SERGEF: variants seen among roughly 807,000 people sequenced by gnomAD.
SERGEF encodes the protein secretion regulating guanine nucleotide exchange factor, also known as secretion-regulating guanine nucleotide exchange factor.
In SERGEF, 51 loss-of-function variants were observed where a neutral mutation model predicts 50.0. The observed-to-expected ratio is 1.02, with a 90% CI of 0.81 to 1.29. SERGEF has a LOEUF of 1.29. Among genes scored for constraint, SERGEF ranks in the 50% most tolerant of loss-of-function variants. The pLI is 0.00. For synonymous variants in SERGEF, 205 were observed against 212.4 expected, an observed-to-expected ratio of 0.97 and a Z score of 0.30; for missense variants, 521 against 557.0, an observed-to-expected ratio of 0.94 and a Z score of 0.65.
chr11:17,888,864 T>C lies in SERGEF; in HGVS notation c.1012-10620A>G, dbSNP rs563156578. Among the ~76,000 whole-genome samples the C allele has an allele frequency of 3.3e-5, 5 of 152,302 alleles. No individual in the cohort carries two copies. The highest frequency in any genetic ancestry group is 3.9e-4 in the East Asian group (2 of 5,194). On this transcript the variant is annotated intron_variant, in intron 9 of 10. Transcript: ENST00000265965. The surrounding 1 kb of genome is among the most constrained non-coding windows in gnomAD (Gnocchi z 4.1). Reference sequence around the variant, plus strand: ...ACAGTTTGAGCCTGGAACATGTATTTGTACCACGAAGTAAGAAAGTGATAA... The same window carrying C: ...ACAGTTTGAGCCTGGAACATGTATTCGTACCACGAAGTAAGAAAGTGATAA...
chr11:17,866,350 A>G (rs556251729), intron 10 of SERGEF, among the ~76,000 whole-genome samples: 1 of 152,370 alleles, frequency 6.6e-6, no homozygotes, highest in African/African-American at 2.4e-5. Context: ...TGCCTACAGT[A>G]TTCAGTACAG....
chr11:17,891,273 A>G (rs1176188336), intron 9 of SERGEF, among the ~76,000 whole-genome samples: 1 of 152,222 alleles, frequency 6.6e-6, no homozygotes, highest in African/African-American at 2.4e-5. Flanking sequence ...AATTGGCAAG[A>G]CCTGACTAAA....
At chr11:17,934,190 T>G (rs1852406556) in intron 9 of SERGEF, among the ~76,000 whole-genome samples, 1 of 152,092 alleles carries the variant, frequency 6.6e-6, no homozygotes, top group African/African-American at 2.4e-5. Context: ...GTCAAATGGG[T>G]CTAGGGACAA....
chr11:18,012,698 C>T, intron 1 of SERGEF: 3 of 1,154,398 alleles, frequency 2.6e-6, no homozygotes, highest in Non-Finnish European at 3.4e-6. Context: ...GCAGGTTCTT[C>T]CCGCGGCGCC....
chr11:17,928,689 C>T (rs536216396), intron 9 of SERGEF, among the ~76,000 whole-genome samples: 5 of 152,018 alleles, frequency 3.3e-5, no homozygotes, highest in Admixed American at 2.6e-4. Flanking sequence ...CAGTGTCAGT[C>T]GAGACTACCC....
Position 18,007,950 on chromosome 11 carries a change from C to T in SERGEF, c.187G>A (p.Val63Ile). 6.2e-7 allele frequency: 1 copy of T among 1,613,338 alleles called. No individual in the cohort carries two copies. Among genetic ancestry groups the T allele is most frequent in the Non-Finnish European group, 8.5e-7 (1 of 1,179,624 alleles). Residue 63 changes from valine (V) to isoleucine (I), a missense_variant, in exon 2 of 11, where the codon GTT becomes ATT. Val to Ile is a conservative substitution (Grantham distance 29). Transcript: ENST00000265965. ...TTTTGAAGGAAATTACCTGTGACAA[C>T]TGCAGAGTGGCCCCCTCCTCCTGTG... is the stretch of plus-strand genomic sequence containing the variant. ...RITGGGGHSA[V>I]VTDGGDLFVC...
At chr11:17,901,381 C>A (rs1461422735) in intron 9 of SERGEF, among the ~76,000 whole-genome samples, 2 of 152,226 alleles carry the variant, frequency 1.3e-5, no homozygotes, top group South Asian at 2.1e-4. Context: ...CTGCTCAAAA[C>A]CTGCTAATGG....
chr11:17,878,727 C>G (rs1028332991), intron 9 of SERGEF, among the ~76,000 whole-genome samples: 1 of 152,168 alleles, frequency 6.6e-6, no homozygotes, highest in Admixed American at 6.5e-5. Flanking sequence ...TCCACTCTCC[C>G]TTTCACCTAC....
At chr11:17,998,432 CATACATACATATATATATAT>C (rs1209516549) in intron 5 of SERGEF, among the ~76,000 whole-genome samples, 8 of 55,880 alleles carry the variant, frequency 1.4e-4, no homozygotes, top group African/African-American at 4.2e-4. Flanking sequence ...TACATACATA[CATACATACATATATATATAT>C]ATATATATAT....
intron 8 of SERGEF, among the ~76,000 whole-genome samples, chr11:17,975,995 G>C (rs560018149): frequency 6.6e-6 from 1 of 152,174 alleles, no homozygotes; most frequent in African/African-American, 2.4e-5. Context: ...TTGTGAATGA[G>C]TAAAGGATAT....
chr11:18,000,689 A>G (rs577735118), intron 4 of SERGEF, 132 bp from the exon 5 acceptor site: 4 of 732,026 alleles, frequency 5.5e-6, no homozygotes, highest in African/African-American at 3.5e-5. Context: ...ACTCCCCCCA[A>G]TATTTCCACC....
chr11:17,844,934 A>C (rs931142764), intron 10 of SERGEF, among the ~76,000 whole-genome samples: 2 of 151,600 alleles, frequency 1.3e-5, no homozygotes, highest in African/African-American at 4.8e-5. Flanking sequence ...AACAAAAAAA[A>C]CAGAACAAAA....
rs572745440 is a variant in SERGEF at position 17,910,870 on chromosome 11, G to A, written c.1012-32626C>T. Among the ~76,000 whole-genome samples the A allele has an allele frequency of 3.3e-5, 5 of 152,304 alleles. No individual in the cohort carries two copies. In the East Asian group the frequency reaches 9.6e-4, roughly 29 times the overall value. The stretch of plus-strand genomic sequence containing the variant: ...GCTAATACAAAGCATCAGTGCTGGG[G>A]ATAGAGGAGGGTGGCCAGGAGGGCC... On this transcript the variant is annotated intron_variant, in intron 9 of 10. Transcript: ENST00000265965.
chr11:17,847,554 G>A (rs922738722), intron 10 of SERGEF, among the ~76,000 whole-genome samples: 23 of 152,268 alleles, frequency 1.5e-4, no homozygotes, highest in Middle Eastern at 6.8e-3. Flanking sequence ...ATTTTAAAAC[G>A]CTATTTACAA....
chr11:17,911,958 C>T (rs1851962789), intron 9 of SERGEF, among the ~76,000 whole-genome samples: 2 of 152,090 alleles, frequency 1.3e-5, no homozygotes, highest in Admixed American at 6.6e-5. Flanking sequence ...ACAAATTTAG[C>T]TTTGGATATG....
chr11:17,823,301 C>A (rs1358657149), intron 10 of SERGEF, among the ~76,000 whole-genome samples: 1 of 152,124 alleles, frequency 6.6e-6, no homozygotes, highest in Non-Finnish European at 1.5e-5. Flanking sequence ...ATACTATCAA[C>A]ATGATTTATC....
intron 10 of SERGEF, chr11:17,855,032 G>A (rs1850791551): frequency 6.6e-6 from 1 of 152,212 alleles, no homozygotes; most frequent in Non-Finnish European, 1.5e-5. Flanking sequence ...AAGGAGCAGA[G>A]CTGAGTTTCT....
intron 10 of SERGEF, among the ~76,000 whole-genome samples, chr11:17,799,470 C>A (rs74987174): frequency 1.3e-5 from 2 of 152,266 alleles, no homozygotes; most frequent in African/African-American, 2.4e-5. Flanking sequence ...TGCCAATCTC[C>A]GAGGGGCACT....
At chr11:17,885,388 C>A (rs1228491749) in intron 9 of SERGEF, among the ~76,000 whole-genome samples, 1 of 152,122 alleles carries the variant, frequency 6.6e-6, no homozygotes, top group African/African-American at 2.4e-5. Context: ...GTGGTGTGAA[C>A]CTAGCTCACT....
Sources: gnomAD v4.1 joint callset for allele counts (sites outside exome capture counted in the v4.1 genomes callset) on GRCh38, gnomAD v4.1.1 for gene constraint, Gnocchi (gnomAD v3.1) non-coding constraint, MANE v1.5 for transcripts, NCBI Gene and HGNC (gene_info 2026-07-23, HGNC 2026-07-21) for gene names.